Variants in CDKL3 observed in about 807,000 individuals in gnomAD.
CDKL3 encodes the protein cyclin dependent kinase like 3.
CDKL3 carries 65 observed loss-of-function variants against 69.3 expected under a neutral mutation model. That is an observed-to-expected ratio of 0.94 (90% CI 0.77 to 1.15). CDKL3 has a LOEUF of 1.15. Among genes scored for constraint, CDKL3 ranks in the 50% most tolerant of loss-of-function variants. The pLI is 0.00. For missense variants in CDKL3, 652 were observed against 689.2 expected (o/e 0.95, Z 0.61); for synonymous variants, 202 against 221.6 (o/e 0.91, Z 0.79).
chr5:134,359,837 T>C, intron 3 of CDKL3, 60 bp downstream of exon 3: 1 of 1,063,788 alleles, frequency 9.4e-7, no homozygotes, highest in Non-Finnish European at 1.4e-6. Flanking sequence ...TAAAACAATG[T>C]ATAAGGAGCA....
chr5:134,336,879 GT>G (rs1038570835), intron 4 of CDKL3, among the ~76,000 whole-genome samples: 3 of 152,214 alleles, frequency 2.0e-5, no homozygotes, highest in Non-Finnish European at 4.4e-5. Context: ...AGGCAGGGAC[GT>G]TTAAGTCTGC....
chr5:134,298,940 C>A lies in CDKL3; in HGVS notation c.1720-230G>T, dbSNP rs141503800. On this transcript the variant is annotated intron_variant, in intron 12 of 12. Transcript: ENST00000265334. ...TCAGGCTGGAGTGCAGTGGCGTGAT[C>A]TCGGCTCACTACAACCTCCGCCTCC... Among the ~76,000 whole-genome samples, 723 of 152,210 alleles carry A rather than the reference C, an allele frequency of 4.8e-3. 7 individuals are homozygous for A. The highest frequency in any genetic ancestry group is 0.017 in the African/African-American group (687 of 41,522).
rs977670858 is a variant in CDKL3 at position 134,321,898 on chromosome 5, A to G, written c.545T>C (p.Val182Ala). 1.9e-6 allele frequency: 3 copies of G among 1,582,376 alleles called. No individual in the cohort carries two copies. The highest frequency in any genetic ancestry group is 2.6e-6 in the Non-Finnish European group (3 of 1,153,216). The change falls in exon 5 of 13, where the codon GTG (valine) becomes GCG (alanine). Residue 182 changes from valine to alanine, a missense_variant. Val to Ala is a moderately conservative substitution (Grantham distance 64). Coordinates refer to ENST00000265334, the MANE Select transcript of CDKL3 (RefSeq NM_001113575.2). ...CATACAGCCCAAAGCCCAGATATCCACAGGTCTGAAACAGATCAGGGAAAA... is the reference window on the plus strand; with the variant it reads ...CATACAGCCCAAAGCCCAGATATCCGCAGGTCTGAAACAGATCAGGGAAAA... ...VLKDTSYGKPVDIWALGCMII... is the reference protein window; with the variant it reads ...VLKDTSYGKPADIWALGCMII...
At chr5:134,361,702 G>C (rs532894674) in intron 2 of CDKL3, among the ~76,000 whole-genome samples, 1 of 151,768 alleles carries the variant, frequency 6.6e-6, no homozygotes, top group East Asian at 2.0e-4. Context: ...TCAGGAGTTC[G>C]AGACCAGCCT....
chr5:134,359,759 C>T, intron 3 of CDKL3, 138 bp downstream of exon 3: 1 of 661,478 alleles, frequency 1.5e-6, no homozygotes, highest in Non-Finnish European at 2.5e-6. Context: ...CCCCCTATTC[C>T]CTATCCCCAT....
intron 8 of CDKL3, among the ~76,000 whole-genome samples, chr5:134,292,965 T>A (rs10479073): frequency 6.8e-6 from 1 of 146,796 alleles, no homozygotes. Flanking sequence ...CCTTTCACAG[T>A]GAAAACTCCA....
At position 134,317,301 on chromosome 5, in the gene CDKL3, A is replaced by T. The variant is rs532217613; in HGVS notation, c.792+2057T>A. On this transcript the variant is annotated intron_variant, in intron 6 of 12. Transcript: ENST00000265334. Reference sequence around the variant, plus strand: ...CAGGTGCACGCCACCACGCCCGGCTAATTTTTGTATTTTTAGTAGAGACAG... The same window carrying T: ...CAGGTGCACGCCACCACGCCCGGCTTATTTTTGTATTTTTAGTAGAGACAG... 2.5e-4 allele frequency among the ~76,000 whole-genome samples: 38 copies of T among 152,032 alleles called. No individual in the cohort carries two copies. In the South Asian group the frequency reaches 7.9e-3, roughly 32 times the overall value.
At chr5:134,368,258 T>C (rs1413577916), upstream of CDKL3, among the ~76,000 whole-genome samples, 1 of 152,178 alleles carries the variant, frequency 6.6e-6, no homozygotes, top group Non-Finnish European at 1.5e-5. Context: ...AGGGTTTATA[T>C]TGAGAGAAAG....
At chr5:134,295,023 T>C (rs1055652163), downstream of CDKL3, among the ~76,000 whole-genome samples, 3 of 144,740 alleles carry the variant, frequency 2.1e-5, no homozygotes, top group East Asian at 3.9e-4. Context: ...TTTTTTTTTT[T>C]TTTTTTTTTG....
At chr5:134,288,198 A>C (rs752019259) in intron 8 of CDKL3, among the ~76,000 whole-genome samples, 22 of 152,180 alleles carry the variant, frequency 1.4e-4, no homozygotes, top group Non-Finnish European at 3.1e-4. Flanking sequence ...CTGGCCTGTA[A>C]CTTTACTTTT....
chr5:134,311,226 G>A lies in CDKL3; in HGVS notation c.881+1066C>T, dbSNP rs185110842. 3.4e-3 allele frequency among the ~76,000 whole-genome samples: 516 copies of A among 152,280 alleles called. 1 individual carries two copies. Among genetic ancestry groups the A allele is most frequent in the African/African-American group, 0.011 (476 of 41,572 alleles). On this transcript the variant is annotated intron_variant, in intron 7 of 12. Transcript: ENST00000265334. ...GGATACAACAACAGGCACTGCAGCC[G>A]GGCGCAATGGCTCATGCCTGTAATC...
chr5:134,305,589 CCTT>C (rs1290836263), intron 10 of CDKL3, among the ~76,000 whole-genome samples: 2 of 152,146 alleles, frequency 1.3e-5, no homozygotes, highest in African/African-American at 4.8e-5. Context: ...ATCTGGGAAA[CCTT>C]CTGTGTTACC....
At chr5:134,297,890 T>TTGTGTG (rs528154005), downstream of CDKL3, among the ~76,000 whole-genome samples, 129 of 105,190 alleles carry the variant, frequency 1.2e-3, 1 homozygote, top group Non-Finnish European at 1.6e-3. Flanking sequence ...CATGAATAGT[T>TTGTGTG]TGTGTGTGTG....
chr5:134,303,670 C>A (rs963503207), intron 11 of CDKL3, among the ~76,000 whole-genome samples: 3 of 105,006 alleles, frequency 2.9e-5, no homozygotes, highest in Non-Finnish European at 5.4e-5. Flanking sequence ...ATGGTGGAAC[C>A]CCCCCCCCGT....
intron 8 of CDKL3, among the ~76,000 whole-genome samples, chr5:134,291,146 C>T (rs1161082852): frequency 6.6e-6 from 1 of 152,110 alleles, no homozygotes; most frequent in Non-Finnish European, 1.5e-5. Context: ...GCAGAAAACA[C>T]TCAAGGAAGC....
chr5:134,371,461 T>G (rs1323455654), upstream of CDKL3: 6 of 1,116,136 alleles, frequency 5.4e-6, no homozygotes, highest in East Asian at 2.7e-5. Flanking sequence ...ATTGCAGGGT[T>G]GTTTGTCAGT....
At chr5:134,317,596 C>A (rs1771500461) in intron 6 of CDKL3, among the ~76,000 whole-genome samples, 1 of 152,122 alleles carries the variant, frequency 6.6e-6, no homozygotes, top group African/African-American at 2.4e-5. Flanking sequence ...TGCACTCCAG[C>A]CTGGGCAACA....
chr5:134,359,590 T>G (rs1755504998), intron 3 of CDKL3, among the ~76,000 whole-genome samples: 1 of 152,134 alleles, frequency 6.6e-6, no homozygotes, highest in African/African-American at 2.4e-5. Context: ...TGACTTTCAA[T>G]GTTTTAATAT....
At chr5:134,348,910 A>C (rs924268795) in intron 4 of CDKL3, among the ~76,000 whole-genome samples, 1 of 152,172 alleles carries the variant, frequency 6.6e-6, no homozygotes, top group African/African-American at 2.4e-5. Flanking sequence ...TTATAGATGA[A>C]GTAATTGAGG....
Sources: allele counts gnomAD v4.1 joint callset (sites outside exome capture counted in the v4.1 genomes callset), GRCh38; gene constraint gnomAD v4.1.1; transcripts MANE v1.5; gene names NCBI Gene and HGNC (gene_info 2026-07-23, HGNC 2026-07-21).